Variants in MKI67 observed in about 807,000 individuals in gnomAD.
MKI67 encodes proliferation marker protein Ki-67.
In MKI67, 152 loss-of-function variants were observed where a neutral mutation model predicts 233.5. That is an observed-to-expected ratio of 0.65 (90% CI 0.57 to 0.74). The LOEUF is 0.74. Among genes scored for constraint, MKI67 ranks in the 30% least tolerant of loss-of-function variants. The probability of loss-of-function intolerance (pLI) is 0.00; values close to 1 mark genes in which losing one functional copy is unlikely to be tolerated. For missense variants in MKI67, 3,940 were observed against 3,885.2 expected, an observed-to-expected ratio of 1.01 and a Z score of -0.37; for synonymous variants, 1,465 against 1,418.5, an observed-to-expected ratio of 1.03 and a Z score of -0.74.
intron 6 of MKI67, 143 bp from the exon 7 acceptor site, chr10:128,116,150 C>T (rs755439677): frequency 1.1e-6 from 1 of 898,176 alleles, no homozygotes; most frequent in Non-Finnish European, 1.7e-6. Flanking sequence ...ATGCCTAAAA[C>T]TTGCAAGTCT....
chr10:128,119,984 G>T (rs965786731), intron 4 of MKI67, among the ~76,000 whole-genome samples: 1 of 152,164 alleles, frequency 6.6e-6, no homozygotes, highest in Non-Finnish European at 1.5e-5. Flanking sequence ...TCAGTGAAAT[G>T]ACCTGATTTG....
Position 128,106,190 on chromosome 10 carries a change from C to T in MKI67, c.5650G>A (p.Ala1884Thr), listed in dbSNP as rs201129420. 165 of 1,613,158 alleles carry T rather than the reference C, an allele frequency of 1.0e-4. 1 individual carries two copies. In the East Asian group the frequency reaches 3.6e-3, roughly 36 times the overall value. ...KQRPKRSLKK[A>T]DVEEEFLAFR... The stretch of plus-strand genomic sequence containing the variant: ...GCTAAAAATTCTTCCTCTACGTCTG[C>T]TTTCTTGAGGCTTCTCTTGGGCCGT... Residue 1884 changes from alanine to threonine, a missense_variant, in exon 13 of 15, where the codon GCA becomes ACA. By Grantham distance (58) the Ala-to-Thr change is moderately conservative (BLOSUM62 0). Coordinates refer to ENST00000368654, the MANE Select transcript of MKI67 (RefSeq NM_002417.5).
Position 128,125,565 on chromosome 10 carries a change from G to T in MKI67, c.92+11C>A. The T allele has an allele frequency of 6.2e-7, 1 of 1,610,392 alleles. No homozygotes were observed. The highest frequency in any genetic ancestry group is 8.5e-7 in the Non-Finnish European group (1 of 1,177,852). On this transcript the variant is annotated intron_variant, in intron 2 of 14. Coordinates refer to ENST00000368654, the MANE Select transcript of MKI67 (RefSeq NM_002417.5). This position sits in a 1 kb window ranked among gnomAD's most constrained non-coding sequence, Gnocchi z 5.3. ...TCAGCTAAAACGTCCGCGCGCGCCC[G>T]CGGGGCTCACCTTCCAAACAAGCAG...
chr10:128,112,428 T>G lies in MKI67; in HGVS notation c.1674A>C (p.Ser558=), dbSNP rs1205926633. ...KKIIKEQPQP[S]GKQESGSEIH... ...TTTCTGAACCTGACTCTTGTTTTCC[T>G]GATGGTTGAGGCTGTTCCTGACAAG... Residue 558 remains serine (S), a synonymous_variant, in exon 9 of 15, where the codon TCA becomes TCC. Coordinates refer to ENST00000368654, the MANE Select transcript of MKI67 (RefSeq NM_002417.5). The G allele has an allele frequency of 2.5e-6, 4 of 1,614,126 alleles. No homozygotes were observed. The Middle Eastern group carries it at 6.6e-4, about 266-fold the overall frequency.
Position 128,105,226 on chromosome 10 carries a change from A to G in MKI67, c.6614T>C (p.Ile2205Thr), listed in dbSNP as rs772233691. The G allele has an allele frequency of 9.9e-6, 16 of 1,610,170 alleles. No individual in the cohort carries two copies. The Admixed American group carries it at 2.5e-4, about 25-fold the overall frequency. The change falls in exon 13 of 15, where the codon ATA becomes ACA. Residue 2205 changes from isoleucine (I) to threonine (T), a missense_variant. Coordinates refer to ENST00000368654, the MANE Select transcript of MKI67 (RefSeq NM_002417.5). The stretch of plus-strand genomic sequence containing the variant: ...ATGAGTCGTGGGCTTGTCAGTGCAT[A>G]TTGGTGTCTGGAAGAGCTCTTTCAA... ...AGLKELFQTP[I>T]CTDKPTTHEK...
At position 128,126,378 on chromosome 10, in the gene MKI67, T is replaced by C. The variant is rs1565018325; in HGVS notation, c.-369A>G. The C allele has an allele frequency of 6.9e-6, 1 of 145,270 alleles. No individual in the cohort carries two copies. The highest frequency in any genetic ancestry group is 1.6e-5 in the Non-Finnish European group (1 of 64,506). 9.0% of individuals were successfully genotyped at this position (145,270 alleles called of 1,614,324 possible). A position where few individuals can be genotyped will look rare whatever the true frequency, so the allele number is the denominator to read the frequency against. ...TAGCGGCTCCCACCGAGTCGAGTCC[T>C]CCCGCCCGCCCGCCCGCCCGCAGCG... On this transcript the variant is annotated 5_prime_UTR_variant, in exon 1 of 15. Transcript: ENST00000368654.
chr10:128,109,007 T>C lies in MKI67; in HGVS notation c.2833A>G (p.Met945Val). The change falls in exon 13 of 15, where the codon ATG (methionine) becomes GTG (valine). Residue 945 changes from methionine to valine, a missense_variant. Physicochemically the swap from Met to Val is conservative, Grantham distance 21. Coordinates refer to ENST00000368654, the MANE Select transcript of MKI67 (RefSeq NM_002417.5). ...NIELKENDEK[M>V]KAMKRSRTWG... ...GTTCTTGATCTCTTCATTGCTTTCA[T>C]CTTTTCATCGTTTTCTTTTAATTCA... is the stretch of plus-strand genomic sequence containing the variant. 6.2e-7 allele frequency: 1 copy of C among 1,614,228 alleles called. No homozygotes were observed. The highest frequency in any genetic ancestry group is 8.5e-7 in the Non-Finnish European group (1 of 1,180,038).
chr10:128,109,046 A>G lies in MKI67; in HGVS notation c.2794T>C (p.Tyr932His), dbSNP rs779237768. 1 of 1,614,006 alleles carries G rather than the reference A, an allele frequency of 6.2e-7. No homozygotes were observed. The highest frequency in any genetic ancestry group is 8.5e-7 in the Non-Finnish European group (1 of 1,179,988). ...TCTTTTAATTCAATATTTTCCTTAT[A>G]TGTCTCAAAAGGTCTTTCTATTTCC... ...MKEIERPFET[Y>H]KENIELKEND... Residue 932 changes from tyrosine (Y) to histidine (H), a missense_variant, in exon 13 of 15, where the codon TAT becomes CAT. Transcript: ENST00000368654.
At position 128,105,508 on chromosome 10, in the gene MKI67, A is replaced by G. The variant is rs755327328; in HGVS notation, c.6332T>C (p.Met2111Thr). 2.5e-6 allele frequency: 4 copies of G among 1,613,838 alleles called. No homozygotes were observed. Among genetic ancestry groups the G allele is most frequent in the Non-Finnish European group, 3.4e-6 (4 of 1,180,002 alleles). The change falls in exon 13 of 15, where the codon ATG becomes ACG. Residue 2111 changes from methionine to threonine, a missense_variant. Met to Thr is a moderately conservative substitution (Grantham distance 81). Coordinates refer to ENST00000368654, the MANE Select transcript of MKI67 (RefSeq NM_002417.5). ...CCTCCTTGTGCTTGTTGGAGTGTCC[A>G]TTGATTCTGGTGGTGGAGATTTGCA... is the stretch of plus-strand genomic sequence containing the variant. ...IACKSPPPESMDTPTSTRRRP... is the reference protein window; with the variant it reads ...IACKSPPPESTDTPTSTRRRP...
In MKI67 at chr10:128,109,420, C is replaced by G. The variant is rs1565008323; in HGVS notation, c.2420G>C (p.Gly807Ala). Residue 807 changes from glycine to alanine, a missense_variant, in exon 13 of 15, where the codon GGA (glycine) becomes GCA (alanine). Physicochemically the swap from Gly to Ala is moderately conservative, Grantham distance 60. Transcript: ENST00000368654. ...ATTCTGTGCACTGAAGAACACATTTCCTCCTGAAATAAAAACATACACAAT... is the reference window on the plus strand; with the variant it reads ...ATTCTGTGCACTGAAGAACACATTTGCTCCTGAAATAAAAACATACACAAT... ...PLLPTSESFG[G>A]NVFFSAQNAA... 1 of 1,602,726 alleles carries G rather than the reference C, an allele frequency of 6.2e-7. No homozygotes were observed. Among genetic ancestry groups the G allele is most frequent in the Non-Finnish European group, 8.5e-7 (1 of 1,173,658 alleles).
At position 128,098,959 on chromosome 10, in the gene MKI67, C is replaced by A. The variant is rs1852273508; in HGVS notation, c.*231G>T. ...TGCAAAGCTGAGGGCAAACCTTGGC[C>A]CAGACTCCTTCACAAAGCCCCCGGT... On this transcript the variant is annotated 3_prime_UTR_variant, in exon 15 of 15. Transcript: ENST00000368654. 1 of 381,092 alleles carries A rather than the reference C, an allele frequency of 2.6e-6. No homozygotes were observed. The highest frequency in any genetic ancestry group is 2.1e-5 in the African/African-American group (1 of 47,780). 23.6% of individuals were successfully genotyped at this position (381,092 alleles called of 1,614,324 possible).
rs773681218 is a variant in MKI67 at position 128,105,897 on chromosome 10, G to A, written c.5943C>T (p.Cys1981=). The change falls in exon 13 of 15, where the codon TGC becomes TGT. Residue 1981 remains cysteine, a synonymous_variant. Transcript: ENST00000368654. ...MTDDKITEVS[C]KSPQPDPVKT... ...TGACTGGGTCTGGTTGTGGAGATTT[G>A]CAGGATACTTCTGTGATTTTGTCAT... is the stretch of plus-strand genomic sequence containing the variant. The A allele has an allele frequency of 3.7e-6, 6 of 1,613,686 alleles. No individual in the cohort carries two copies. In the South Asian group the frequency reaches 5.5e-5, roughly 15 times the overall value.
chr10:128,102,031 G>A (rs1852348221), intron 13 of MKI67, among the ~76,000 whole-genome samples: 1 of 152,118 alleles, frequency 6.6e-6, no homozygotes, highest in African/African-American at 2.4e-5. Flanking sequence ...CATTTACAGG[G>A]AGTAAATGAA....
intron 7 of MKI67, among the ~76,000 whole-genome samples, chr10:128,113,837 TA>T (rs1374541083): frequency 6.6e-6 from 1 of 152,184 alleles, no homozygotes; most frequent in Non-Finnish European, 1.5e-5. Context: ...AGGCTTTCTT[TA>T]AAACATTGAA....
At chr10:128,110,340 C>T (rs773575870) in intron 12 of MKI67, 38 bp downstream of exon 12, 1 of 1,488,392 alleles carries the variant, frequency 6.7e-7, no homozygotes, top group Admixed American at 1.9e-5. Context: ...ATGTTCCTAT[C>T]CCAAAACATC....
chr10:128,113,351 G>C, intron 8 of MKI67, 76 bp downstream of exon 8: 1 of 1,395,490 alleles, frequency 7.2e-7, no homozygotes, highest in Non-Finnish European at 1.0e-6. Flanking sequence ...TTCTACTTGT[G>C]TCAGTATTTG....
Position 128,107,629 on chromosome 10 carries a change from A to G in MKI67, c.4211T>C (p.Leu1404Pro). The change falls in exon 13 of 15, where the codon CTC (leucine) becomes CCC (proline). Residue 1404 changes from leucine (L) to proline (P), a missense_variant. Physicochemically the swap from Leu to Pro is moderately conservative, Grantham distance 98. Coordinates refer to ENST00000368654, the MANE Select transcript of MKI67 (RefSeq NM_002417.5). ...PLEKRDVQKELSALKKLTQTS... is the reference protein window; with the variant it reads ...PLEKRDVQKEPSALKKLTQTS... Reference sequence around the variant, plus strand: ...CTGTGTGAGCTTCTTCAGGGCTGAGAGCTCCTTCTGTACGTCCCTTTTCTC... The same window carrying G: ...CTGTGTGAGCTTCTTCAGGGCTGAGGGCTCCTTCTGTACGTCCCTTTTCTC... 1.9e-6 allele frequency: 3 copies of G among 1,613,616 alleles called. No homozygotes were observed. The highest frequency in any genetic ancestry group is 1.1e-5 in the South Asian group (1 of 91,058).
rs1272211857 is a variant in MKI67 at position 128,104,458 on chromosome 10, T to C, written c.7382A>G (p.Glu2461Gly). Residue 2461 changes from glutamate to glycine, a missense_variant, in exon 13 of 15, where the codon GAA (glutamate) becomes GGA (glycine). Glu to Gly is a moderately conservative substitution (Grantham distance 98). Coordinates refer to ENST00000368654, the MANE Select transcript of MKI67 (RefSeq NM_002417.5). ...EESMTDDKIT[E>G]VSCKSPQPES... is the part of the protein sequence containing the mutation. ...TGGCTGTGGAGATTTACAGGATACT[T>C]CTGTGATTTTGTCATCAGTCATTGA... 3 of 1,614,026 alleles carry C rather than the reference T, an allele frequency of 1.9e-6. No homozygotes were observed. The highest frequency in any genetic ancestry group is 3.3e-5 in the Admixed American group (2 of 60,002).
chr10:128,103,859 G>A lies in MKI67; in HGVS notation c.7981C>T (p.Pro2661Ser), dbSNP rs1366053464. ...KKKPNPVEEE[P>S]SRRRPRAPKE... is the part of the protein sequence containing the mutation. Reference sequence around the variant, plus strand: ...GGTGCTCTTGGCCTTCTCCTGCTGGGTTCCTCTTCTACTGGGTTTGGTTTC... The same window carrying A: ...GGTGCTCTTGGCCTTCTCCTGCTGGATTCCTCTTCTACTGGGTTTGGTTTC... The change falls in exon 13 of 15, where the codon CCC becomes TCC. Residue 2661 changes from proline (P) to serine (S), a missense_variant. Physicochemically the swap from Pro to Ser is moderately conservative, Grantham distance 74. Coordinates refer to ENST00000368654, the MANE Select transcript of MKI67 (RefSeq NM_002417.5). 1.2e-6 allele frequency: 2 copies of A among 1,613,846 alleles called. No homozygotes were observed. Among genetic ancestry groups the A allele is most frequent in the African/African-American group, 1.3e-5 (1 of 74,918 alleles).
Sources: gnomAD v4.1 joint callset for allele counts (sites outside exome capture counted in the v4.1 genomes callset) on GRCh38, gnomAD v4.1.1 for gene constraint, Gnocchi (gnomAD v3.1) non-coding constraint, MANE v1.5 for transcripts, NCBI Gene and HGNC (gene_info 2026-07-23, HGNC 2026-07-21) for gene names.